Variants in MTAP observed in about 807,000 individuals in gnomAD.
MTAP encodes the protein methylthioadenosine phosphorylase, also known as S-methyl-5'-thioadenosine phosphorylase.
MTAP carries 33 observed loss-of-function variants against 33.6 expected under a neutral mutation model. That is an observed-to-expected ratio of 0.98 (90% confidence interval 0.74 to 1.31). The LOEUF is 1.31. Ranked by LOEUF, MTAP falls within the 40% of genes most tolerant of loss-of-function variation. The pLI is 0.00. For synonymous variants in MTAP, 148 were observed against 125.7 expected, an observed-to-expected ratio of 1.18 and a Z score of -1.19; for missense variants, 367 against 360.0, an observed-to-expected ratio of 1.02 and a Z score of -0.16.
intron 1 of MTAP, among the ~76,000 whole-genome samples, chr9:21,803,798 C>T (rs993857413): frequency 6.6e-6 from 1 of 152,042 alleles, no homozygotes; most frequent in Admixed American, 6.5e-5. Context: ...CAAAGCATCT[C>T]GATTCCCTAC....
chr9:21,883,747 A>G (rs116349566), intron 1 of MTAP, among the ~76,000 whole-genome samples: 2,097 of 151,458 alleles, frequency 0.014, 50 homozygotes, highest in African/African-American at 0.047. Flanking sequence ...CTGAGCAAAC[A>G]ATAGGGAACC....
Position 21,922,465 on chromosome 9 carries a change from C to T in MTAP, c.148-8543C>T, listed in dbSNP as rs772006260. Among the ~76,000 whole-genome samples, 104 of 152,262 alleles carry T rather than the reference C, an allele frequency of 6.8e-4. No homozygotes were observed. Among genetic ancestry groups the T allele is most frequent in the Middle Eastern group, 3.4e-3 (1 of 294 alleles). ...TCCTGCTCTAAGAGTTTTTAATAAA[C>T]TCTTACTTCTGCTCAAAAACTTGCC... On this transcript the variant is annotated intron_variant, in intron 1 of 1. Coordinates refer to the MTAP transcript ENST00000577563. The surrounding 1 kb of genome is among the most constrained non-coding windows in gnomAD (Gnocchi z 4.8).
intron 1 of MTAP, among the ~76,000 whole-genome samples, chr9:21,813,519 C>A (rs72691564): frequency 1.3e-5 from 2 of 151,978 alleles, no homozygotes; most frequent in African/African-American, 4.8e-5. Flanking sequence ...TAGCATTTCT[C>A]AACAACTGCT....
chr9:21,920,779 C>CTTGATCTT (rs1191900529), intron 1 of MTAP, among the ~76,000 whole-genome samples: 2 of 152,152 alleles, frequency 1.3e-5, no homozygotes, highest in Non-Finnish European at 2.9e-5. Context: ...CTTGATCATG[C>CTTGATCTT]TAAATGATCT....
chr9:21,923,736 A>G (rs761111567), intron 1 of MTAP, among the ~76,000 whole-genome samples: 22 of 152,120 alleles, frequency 1.4e-4, no homozygotes, highest in Non-Finnish European at 1.9e-4. Flanking sequence ...AAAGGGAGGG[A>G]AGTGCAGCCT....
intron 1 of MTAP, among the ~76,000 whole-genome samples, chr9:21,874,869 G>A (rs925919812): frequency 2.6e-5 from 4 of 151,702 alleles, no homozygotes; most frequent in Admixed American, 6.6e-5. Context: ...GACAGGCCCC[G>A]GTATGTGATG....
At chr9:21,803,031 CA>C (rs1824102277) in intron 1 of MTAP, 12 of 1,046,724 alleles carry the variant, frequency 1.1e-5, no homozygotes, top group African/African-American at 1.1e-4. Flanking sequence ...CACACACACA[CA>C]CACACCACCT....
intron 1 of MTAP, chr9:21,929,558 C>T (rs569583992): frequency 1.3e-4 from 47 of 354,634 alleles, no homozygotes; most frequent in Non-Finnish European, 2.7e-4. Flanking sequence ...CTCCAAAACA[C>T]AGGATCCCCT....
At chr9:21,870,021 C>T (rs1453489724), downstream of MTAP, among the ~76,000 whole-genome samples, 1 of 152,156 alleles carries the variant, frequency 6.6e-6, no homozygotes, top group African/African-American at 2.4e-5. Flanking sequence ...CACACCAGGC[C>T]CCCTCCTGCC....
chr9:21,873,613 C>G (rs796720333), intron 1 of MTAP, among the ~76,000 whole-genome samples: 1 of 104,660 alleles, frequency 9.6e-6, no homozygotes, highest in South Asian at 4.0e-4. Flanking sequence ...CACCCCCGCC[C>G]CCCACCCCAA....
intron 1 of MTAP, among the ~76,000 whole-genome samples, chr9:21,900,709 A>G (rs963404984): frequency 1.3e-5 from 2 of 152,246 alleles, no homozygotes; most frequent in African/African-American, 4.8e-5. Context: ...ATAAAGACTC[A>G]TGCATGCTTA....
At chr9:21,883,800 G>C (rs956249269) in intron 1 of MTAP, among the ~76,000 whole-genome samples, 6 of 151,866 alleles carry the variant, frequency 4.0e-5, no homozygotes, top group Non-Finnish European at 7.4e-5. Context: ...GCAATACCTA[G>C]TGTGGCCTGC....
At chr9:21,802,917 G>A in intron 1 of MTAP, 136 bp downstream of exon 1, 1 of 1,446,182 alleles carries the variant, frequency 6.9e-7, no homozygotes, top group Non-Finnish European at 9.0e-7. Context: ...ACTGGGGCGC[G>A]GCACTCGGGA....
chr9:21,924,434 A>G (rs1458029838), intron 1 of MTAP, among the ~76,000 whole-genome samples: 7 of 152,238 alleles, frequency 4.6e-5, no homozygotes. Flanking sequence ...GTGGAAGCAT[A>G]AATTTTAAAT....
intron 4 of MTAP, among the ~76,000 whole-genome samples, chr9:21,822,120 T>A (rs1298938540): frequency 1.3e-5 from 2 of 152,214 alleles, no homozygotes; most frequent in Admixed American, 6.5e-5. Context: ...TTTTTGTGTC[T>A]CTATCTCCTT....
intron 1 of MTAP, 54 bp downstream of exon 1, chr9:21,802,835 C>T: frequency 6.2e-7 from 1 of 1,605,894 alleles, no homozygotes; most frequent in Non-Finnish European, 8.5e-7. Context: ...GCCTTCTCGC[C>T]CCCGCGCCGG....
intron 1 of MTAP, among the ~76,000 whole-genome samples, chr9:21,925,939 T>A (rs1034721896): frequency 1.3e-5 from 2 of 152,238 alleles, no homozygotes; most frequent in African/African-American, 4.8e-5. Context: ...GGTTCACTCC[T>A]CATCTTTGCT....
intron 5 of MTAP, among the ~76,000 whole-genome samples, chr9:21,852,600 A>G (rs1825543040): frequency 6.6e-6 from 1 of 151,644 alleles, no homozygotes; most frequent in Non-Finnish European, 1.5e-5. Flanking sequence ...CACATTGGGT[A>G]TAGTGTACAT....
intron 4 of MTAP, among the ~76,000 whole-genome samples, chr9:21,826,354 T>G (rs1204946866): frequency 2.6e-5 from 4 of 151,880 alleles, no homozygotes; most frequent in African/African-American, 9.7e-5. Context: ...GTCTGGAAGA[T>G]TCCACCTTCT....
Sources: allele counts gnomAD v4.1 joint callset (sites outside exome capture counted in the v4.1 genomes callset), GRCh38; gene constraint gnomAD v4.1.1; non-coding constraint Gnocchi (gnomAD v3.1); transcripts MANE v1.5; gene names NCBI Gene and HGNC (gene_info 2026-07-23, HGNC 2026-07-21).